The following PARP4 variants were observed in gnomAD, a reference collection of about 807,000 sequenced individuals.
PARP4 encodes poly(ADP-ribose) polymerase family member 4.
A neutral mutation model predicts 187.7 loss-of-function variants in PARP4; 120 were observed. The observed-to-expected ratio is 0.64, with a 90% CI of 0.55 to 0.74. PARP4 has a LOEUF of 0.74. Ranked by LOEUF, PARP4 falls within the 30% of genes least tolerant of loss-of-function variation. PARP4 has a pLI of 0.00. For missense variants in PARP4, 1,836 were observed against 2,070.5 expected (o/e 0.89, Z 2.20); for synonymous variants, 654 against 740.9 (o/e 0.88, Z 1.90).
At chr13:24,477,633 T>C in intron 14 of PARP4, 68 bp downstream of exon 14, 1 of 861,392 alleles carries the variant, frequency 1.2e-6, no homozygotes, top group Non-Finnish European at 1.9e-6. Context: ...ATACATTCCA[T>C]TGAAAATATA....
At chr13:24,477,899 A>G in intron 13 of PARP4, 42 bp from the exon 14 acceptor site, 1 of 1,442,694 alleles carries the variant, frequency 6.9e-7, no homozygotes, top group South Asian at 1.3e-5. Flanking sequence ...CAACAGAAGC[A>G]ACAAAAAACC....
rs199950278 is a variant in PARP4 at position 24,431,524 on chromosome 13, C to T, written c.4747-48G>A. On this transcript the variant is annotated intron_variant, in intron 31 of 33. Coordinates refer to ENST00000381989, the MANE Select transcript of PARP4 (RefSeq NM_006437.4). ...ATAAGTTATGTTATTCACATTTTAT[C>T]ACATAAGAAGTTACGTAGTGGGGGA... 3.6e-5 allele frequency: 45 copies of T among 1,239,396 alleles called. No individual in the cohort carries two copies. In the African/African-American group the frequency reaches 5.5e-4, roughly 15 times the overall value. 76.8% of individuals were successfully genotyped at this position (1,239,396 alleles called of 1,614,324 possible).
In PARP4 at chr13:24,455,180, A is replaced by G. The variant is rs747987355; in HGVS notation, c.2595T>C (p.Asp865=). The G allele has an allele frequency of 8.9e-5, 142 of 1,597,620 alleles. No individual in the cohort carries two copies. The highest frequency in any genetic ancestry group is 1.2e-4 in the Non-Finnish European group (141 of 1,166,908). ...CACTGGCTAGGTCAGGGAGGTCGAC[A>G]TCGAGATCGGGTTGAAAGACAAGCA... is the stretch of plus-strand genomic sequence containing the variant. ...ACMLVFQPDL[D]VDLPDLASES... Residue 865 remains aspartate, a synonymous_variant, in exon 22 of 34, where the codon GAT becomes GAC. Coordinates refer to ENST00000381989, the MANE Select transcript of PARP4 (RefSeq NM_006437.4).
chr13:24,482,963 CGATG>C (rs1350394135), intron 12 of PARP4, among the ~76,000 whole-genome samples: 1 of 152,070 alleles, frequency 6.6e-6, no homozygotes, highest in Non-Finnish European at 1.5e-5. Flanking sequence ...ATTCCACTGT[CGATG>C]GACATCTGCA....
Position 24,435,023 on chromosome 13 carries a change from C to G in PARP4, c.4118G>C (p.Cys1373Ser). The G allele has an allele frequency of 6.2e-7, 1 of 1,613,960 alleles. No homozygotes were observed. The highest frequency in any genetic ancestry group is 8.5e-7 in the Non-Finnish European group (1 of 1,180,038). Reference sequence around the variant, plus strand: ...CGCCGACTGTGGGATCCAGTCAGCACAAGTGCCAGGCACAGGGCCTTGGCT... The same window carrying G: ...CGCCGACTGTGGGATCCAGTCAGCAGAAGTGCCAGGCACAGGGCCTTGGCT... ...QFSQGPVPGTCADWIPQSASC... is the reference protein window; with the variant it reads ...QFSQGPVPGTSADWIPQSASC... The change falls in exon 31 of 34, where the codon TGT becomes TCT. Residue 1373 changes from cysteine to serine, a missense_variant. By Grantham distance (112) the Cys-to-Ser change is moderately radical. Transcript: ENST00000381989.
chr13:24,459,537 AC>A (rs1872081512), intron 18 of PARP4: 1 of 347,866 alleles, frequency 2.9e-6, no homozygotes, highest in South Asian at 4.1e-5. Context: ...GTGTATACAC[AC>A]ACACACACGC....
intron 25 of PARP4, among the ~76,000 whole-genome samples, chr13:24,449,210 A>G (rs1281634943): frequency 6.6e-6 from 1 of 152,058 alleles, no homozygotes; most frequent in African/African-American, 2.4e-5. Context: ...AACACAGTGA[A>G]ACCCCATCTC....
At chr13:24,449,961 G>C (rs1351135400) in intron 24 of PARP4, 144 bp from the exon 25 acceptor site, 3 of 476,200 alleles carry the variant, frequency 6.3e-6, no homozygotes, top group Non-Finnish European at 3.9e-6. Context: ...AGGTTAAACA[G>C]AGAAAGTGAT....
At chr13:24,422,068 T>G (rs1339010024) in intron 33 of PARP4, among the ~76,000 whole-genome samples, 1 of 152,166 alleles carries the variant, frequency 6.6e-6, no homozygotes, top group Non-Finnish European at 1.5e-5. Context: ...CCCTGTGAAC[T>G]GGGAAAGGGC....
intron 10 of PARP4, among the ~76,000 whole-genome samples, chr13:24,487,824 G>A (rs1338923326): frequency 1.3e-5 from 2 of 152,224 alleles, no homozygotes; most frequent in African/African-American, 2.4e-5. Context: ...ACCCCCGGGT[G>A]AGCAGCATCG....
chr13:24,424,147 T>C (rs762793626), intron 33 of PARP4, among the ~76,000 whole-genome samples: 1 of 152,158 alleles, frequency 6.6e-6, no homozygotes, highest in Non-Finnish European at 1.5e-5. Flanking sequence ...AACACCTGTT[T>C]TGTGTTTGAG....
rs573125870 is a variant in PARP4, at chr13:24,477,756, A to T, written c.1734T>A (p.Asp578Glu). The T allele has an allele frequency of 8.8e-6, 14 of 1,591,690 alleles. No individual in the cohort carries two copies. In the South Asian group the frequency reaches 1.5e-4, roughly 17 times the overall value. Residue 578 changes from aspartate to glutamate, a missense_variant, in exon 14 of 34, where the codon GAT (aspartate) becomes GAA (glutamate). Transcript: ENST00000381989. ...GTCTGTATTCCTCTAATTCAGTATG[A>T]TCACTAGGATGAAAGTCCTTTATCT... ...GDQIKDFHPS[D>E]HTELEEYRPE...
chr13:24,448,476 G>C (rs999900860), intron 25 of PARP4, among the ~76,000 whole-genome samples: 7 of 151,842 alleles, frequency 4.6e-5, no homozygotes, highest in African/African-American at 1.7e-4. Context: ...AGAATGATGA[G>C]TGTTGGTGAG....
At chr13:24,510,090 G>A (rs1334541116) in intron 1 of PARP4, among the ~76,000 whole-genome samples, 1 of 152,022 alleles carries the variant, frequency 6.6e-6, no homozygotes, top group Non-Finnish European at 1.5e-5. Context: ...TAATGTTATA[G>A]CCAGTTGCTC....
At chr13:24,436,327 G>C (rs1388930503) in intron 30 of PARP4, among the ~76,000 whole-genome samples, 3 of 152,230 alleles carry the variant, frequency 2.0e-5, no homozygotes, top group African/African-American at 7.2e-5. Flanking sequence ...TTTTGAGACA[G>C]GGTCTTGCTC....
chr13:24,509,626 AC>A (rs1222053614), intron 1 of PARP4, among the ~76,000 whole-genome samples: 1 of 152,214 alleles, frequency 6.6e-6, no homozygotes, highest in Non-Finnish European at 1.5e-5. Flanking sequence ...ATAGTTACAT[AC>A]ATATTATGGG....
intron 6 of PARP4, among the ~76,000 whole-genome samples, chr13:24,496,908 A>C (rs143314642): frequency 6.6e-6 from 1 of 152,170 alleles, no homozygotes; most frequent in Non-Finnish European, 1.5e-5. Flanking sequence ...CTGTAATCCC[A>C]GCTACTCAGG....
chr13:24,449,783 A>T lies in PARP4; in HGVS notation c.3049T>A (p.Ser1017Thr). Residue 1017 changes from serine (S) to threonine (T), a missense_variant, in exon 25 of 34, where the codon TCC becomes ACC. By Grantham distance (58) the Ser-to-Thr change is moderately conservative (BLOSUM62 1). Around this residue, in one of 8 missense-constraint regions of PARP4, gnomAD observed 56 missense variants for 103.7 expected, o/e 0.54. Transcript: ENST00000381989. The part of the protein sequence containing the change: ...TANRHVLRIL[S>T]QCGAGVFEYF... Reference sequence around the variant, plus strand: ...TCAAATACTCCGGCACCACACTGGGACAAAATCCTTAAGACGTGACGATTT... The same window carrying T: ...TCAAATACTCCGGCACCACACTGGGTCAAAATCCTTAAGACGTGACGATTT... 6.2e-7 allele frequency: 1 copy of T among 1,611,034 alleles called. No individual in the cohort carries two copies. The highest frequency in any genetic ancestry group is 1.1e-5 in the South Asian group (1 of 90,974).
chr13:24,487,978 C>G (rs755106733), intron 10 of PARP4, among the ~76,000 whole-genome samples: 4 of 152,196 alleles, frequency 2.6e-5, no homozygotes, highest in Non-Finnish European at 5.9e-5. Context: ...TAGAAAAGAA[C>G]ATGAGTTTTA....
Sources: allele counts gnomAD v4.1 joint callset (sites outside exome capture counted in the v4.1 genomes callset), GRCh38; gene constraint gnomAD v4.1.1; regional missense constraint gnomAD v4.1.1; transcripts MANE v1.5; gene names NCBI Gene and HGNC (gene_info 2026-07-23, HGNC 2026-07-21).